Variants in DAPK1 observed in about 807,000 individuals in gnomAD.
DAPK1 encodes death associated protein kinase 1.
A neutral mutation model predicts 144.9 loss-of-function variants in DAPK1; 56 were observed. The ratio of observed to expected loss-of-function variants is 0.39; its 90% CI spans 0.31 to 0.48. The LOEUF is 0.48. Among genes scored for constraint, DAPK1 ranks in the 20% least tolerant of loss-of-function variants. The pLI is 0.95. For synonymous variants in DAPK1, 690 were observed against 749.0 expected, an observed-to-expected ratio of 0.92 and a Z score of 1.29; for missense variants, 1,454 against 1,875.4, an observed-to-expected ratio of 0.78 and a Z score of 4.15.
chr9:87,605,530 T>C (rs1249023930), intron 3 of DAPK1, among the ~76,000 whole-genome samples: 1 of 151,836 alleles, frequency 6.6e-6, no homozygotes, highest in East Asian at 1.9e-4. Context: ...TCTATTCCTT[T>C]CCTCTCTCTG....
intron 3 of DAPK1, chr9:87,632,285 A>T (rs1380560183): frequency 2.7e-5 from 27 of 983,756 alleles, no homozygotes; most frequent in Non-Finnish European, 3.0e-5. Context: ...ATGAAGGAGG[A>T]TGAGTACACA....
At chr9:87,666,148 C>T (rs1564058672) in intron 18 of DAPK1, among the ~76,000 whole-genome samples, 1 of 152,184 alleles carries the variant, frequency 6.6e-6, no homozygotes, top group African/African-American at 2.4e-5. Context: ...CTGCTTGCTT[C>T]TTCTGTGCCT....
At chr9:87,664,819 G>A (rs755887238) in intron 18 of DAPK1, among the ~76,000 whole-genome samples, 1 of 152,128 alleles carries the variant, frequency 6.6e-6, no homozygotes, top group Non-Finnish European at 1.5e-5. Context: ...CTTCAAATGG[G>A]GGCTTCCCCA....
At chr9:87,511,149 CT>C (rs1445212634) in intron 2 of DAPK1, among the ~76,000 whole-genome samples, 6 of 152,192 alleles carry the variant, frequency 3.9e-5, no homozygotes, top group Non-Finnish European at 7.3e-5. Context: ...CCTGTCTCTC[CT>C]TTGGCTCAGC....
intron 2 of DAPK1, among the ~76,000 whole-genome samples, chr9:87,520,667 ACTT>A: frequency 6.6e-6 from 1 of 152,306 alleles, no homozygotes; most frequent in Non-Finnish European, 1.5e-5. Context: ...GGTTTTCTAT[ACTT>A]CTTTTAAAAA....
intron 2 of DAPK1, among the ~76,000 whole-genome samples, chr9:87,504,973 C>G (rs778697126): frequency 6.6e-6 from 1 of 152,142 alleles, no homozygotes; most frequent in Non-Finnish European, 1.5e-5. Flanking sequence ...GATGCAGAAC[C>G]CACAGATCCA....
At chr9:87,577,254 T>A (rs1564004321) in intron 2 of DAPK1, among the ~76,000 whole-genome samples, 1 of 152,186 alleles carries the variant, frequency 6.6e-6, no homozygotes, top group Non-Finnish European at 1.5e-5. Context: ...ATTCTCAGGT[T>A]CCACCCCAGA....
intron 2 of DAPK1, among the ~76,000 whole-genome samples, chr9:87,571,738 G>A (rs1016151963): frequency 1.3e-5 from 2 of 152,278 alleles, no homozygotes; most frequent in South Asian, 2.1e-4. Context: ...CAGTGCGTGC[G>A]TGCCAATGAG....
chr9:87,583,412 C>T (rs780468270), intron 2 of DAPK1, among the ~76,000 whole-genome samples: 2 of 152,170 alleles, frequency 1.3e-5, no homozygotes, highest in African/African-American at 2.4e-5. Context: ...CCCTCAAATG[C>T]GTACAGCAAA....
chr9:87,691,614 G>A (rs1030891616), intron 21 of DAPK1, among the ~76,000 whole-genome samples: 14 of 151,712 alleles, frequency 9.2e-5, no homozygotes, highest in African/African-American at 2.4e-4. Flanking sequence ...ATTTTTTGAC[G>A]TAGGTGTTTA....
chr9:87,607,962 C>A (rs528328387), intron 3 of DAPK1, among the ~76,000 whole-genome samples: 26 of 152,222 alleles, frequency 1.7e-4, no homozygotes, highest in African/African-American at 6.3e-4. Context: ...AGGAAACTTA[C>A]AATGATGGCA....
intron 2 of DAPK1, among the ~76,000 whole-genome samples, chr9:87,550,774 T>A (rs749789204): frequency 6.6e-5 from 10 of 152,208 alleles, no homozygotes; most frequent in Admixed American, 1.3e-4. Flanking sequence ...GGTTTGCTGT[T>A]ACTGCCGAGT....
intron 18 of DAPK1, among the ~76,000 whole-genome samples, chr9:87,663,369 C>T (rs71510226): frequency 5.0e-4 from 76 of 152,238 alleles, no homozygotes; most frequent in Non-Finnish European, 9.4e-4. Context: ...AGAACTTTCC[C>T]AGCCACCCCA....
chr9:87,536,433 C>T (rs576109112), intron 2 of DAPK1, among the ~76,000 whole-genome samples: 4 of 151,780 alleles, frequency 2.6e-5, no homozygotes, highest in Non-Finnish European at 5.9e-5. Flanking sequence ...ACTTAAAGCT[C>T]TTATCTGTCT....
intron 2 of DAPK1, among the ~76,000 whole-genome samples, chr9:87,516,346 C>T (rs1433290527): frequency 1.3e-5 from 2 of 152,146 alleles, no homozygotes; most frequent in African/African-American, 4.8e-5. Context: ...CCAGCGGGCC[C>T]GTTCTCCCTG....
chr9:87,587,731 G>A (rs1448842303), intron 2 of DAPK1, among the ~76,000 whole-genome samples: 6 of 152,192 alleles, frequency 3.9e-5, no homozygotes, highest in African/African-American at 1.2e-4. Context: ...GCCACATGCC[G>A]AGGTGTCCCT....
At chr9:87,631,007 T>C (rs1015219276) in intron 3 of DAPK1, among the ~76,000 whole-genome samples, 3 of 152,164 alleles carry the variant, frequency 2.0e-5, no homozygotes, top group Non-Finnish European at 2.9e-5. Context: ...TATGACCTCC[T>C]TATATCTCTT....
At chr9:87,519,658 A>G (rs1250848054) in intron 2 of DAPK1, among the ~76,000 whole-genome samples, 1 of 152,026 alleles carries the variant, frequency 6.6e-6, no homozygotes, top group Non-Finnish European at 1.5e-5. Context: ...GGACACAGGG[A>G]TGGCAGCCAG....
chr9:87,665,627 C>T (rs537691595), intron 18 of DAPK1, among the ~76,000 whole-genome samples: 7 of 152,334 alleles, frequency 4.6e-5, no homozygotes, highest in Admixed American at 1.3e-4. Flanking sequence ...TTTCCCCAGA[C>T]GTCAATAAGC....
Sources: allele counts gnomAD v4.1 joint callset (sites outside exome capture counted in the v4.1 genomes callset), GRCh38; gene constraint gnomAD v4.1.1; transcripts MANE v1.5; gene names NCBI Gene and HGNC (gene_info 2026-07-23, HGNC 2026-07-21).